The following IFT43 variants were observed in gnomAD, a reference collection of about 807,000 sequenced individuals.
The protein encoded by IFT43 is intraflagellar transport 43, also known as intraflagellar transport protein 43 homolog.
IFT43 carries 33 observed loss-of-function variants against 32.3 expected under a neutral mutation model. The observed-to-expected ratio is 1.02, with a 90% CI of 0.77 to 1.37. The LOEUF (loss-of-function observed/expected upper bound fraction) is 1.37, where lower values mean the gene tolerates loss of function less well. Among genes scored for constraint, IFT43 ranks in the 40% most tolerant of loss-of-function variants. The pLI is 0.00. For missense variants in IFT43, 274 were observed against 265.9 expected (o/e 1.03, Z -0.21); for synonymous variants, 93 against 98.2 (o/e 0.95, Z 0.31).
At chr14:75,995,375 C>A (rs1316239590) in intron 2 of IFT43, among the ~76,000 whole-genome samples, 1 of 152,162 alleles carries the variant, frequency 6.6e-6, no homozygotes, top group Non-Finnish European at 1.5e-5. Context: ...CACTTGATCA[C>A]CCTTATTCGT....
At chr14:76,008,414 T>C (rs934735514) in intron 2 of IFT43, among the ~76,000 whole-genome samples, 3 of 152,320 alleles carry the variant, frequency 2.0e-5, no homozygotes, top group Admixed American at 2.0e-4. Flanking sequence ...GTTATCACTA[T>C]TTATGAGGAG....
rs780739759 is a variant in IFT43, at chr14:76,083,224, C to T, written c.445-3C>T. On this transcript the variant is annotated splice_region_variant and splice_polypyrimidine_tract_variant and intron_variant, in intron 7 of 8. Coordinates refer to ENST00000314067, the MANE Select transcript of IFT43 (RefSeq NM_001102564.3). ...CCTGACCTTTTTTTGTTTGCATTCA[C>T]AGGATGGGGAGATCGACCTGAAACT... 1.9e-6 allele frequency: 3 copies of T among 1,614,120 alleles called. No homozygotes were observed. Among genetic ancestry groups the T allele is most frequent in the South Asian group, 1.1e-5 (1 of 91,084 alleles).
At position 76,015,911 on chromosome 14, in the gene IFT43, A is replaced by G. The variant is rs916967054; in HGVS notation, c.148-6416A>G. Among the ~76,000 whole-genome samples the G allele has an allele frequency of 2.6e-5, 4 of 152,328 alleles. 1 individual carries two copies. Among genetic ancestry groups the G allele is most frequent in the African/African-American group, 7.2e-5 (3 of 41,578 alleles). ...TATCTCAGTGTGGTTTTGGATTTGC[A>G]TCTCTCTGATGCTCAGTGATGTAGA... On this transcript the variant is annotated intron_variant, in intron 2 of 8. Transcript: ENST00000314067.
At chr14:76,020,780 C>T (rs1373335434) in intron 2 of IFT43, among the ~76,000 whole-genome samples, 8 of 151,992 alleles carry the variant, frequency 5.3e-5, no homozygotes, top group South Asian at 2.1e-4. Flanking sequence ...AGTCCCTGGG[C>T]CCCCCAGGTG....
chr14:75,986,956 A>G (rs570050137), intron 1 of IFT43, among the ~76,000 whole-genome samples: 1 of 152,316 alleles, frequency 6.6e-6, no homozygotes, highest in South Asian at 2.1e-4. Context: ...GAGATACAGC[A>G]ATGAATAAAG....
intron 2 of IFT43, among the ~76,000 whole-genome samples, chr14:75,989,404 T>C (rs1348577153): frequency 6.6e-6 from 1 of 151,998 alleles, no homozygotes; most frequent in Non-Finnish European, 1.5e-5. Context: ...TTTACTGGCC[T>C]TACTTTCCTG....
At chr14:76,001,902 A>C (rs1455472738) in intron 2 of IFT43, among the ~76,000 whole-genome samples, 1 of 152,212 alleles carries the variant, frequency 6.6e-6, no homozygotes, top group Non-Finnish European at 1.5e-5. Context: ...TGATAATGGC[A>C]TTAATCCATT....
intron 3 of IFT43, among the ~76,000 whole-genome samples, chr14:76,049,841 G>A (rs894337736): frequency 6.8e-6 from 1 of 147,506 alleles, no homozygotes; most frequent in African/African-American, 2.5e-5. Context: ...AAGGGGGAAA[G>A]CAAAGAACCC....
intron 5 of IFT43, among the ~76,000 whole-genome samples, chr14:76,075,073 C>G (rs182064222): frequency 3.3e-5 from 5 of 152,366 alleles, no homozygotes; most frequent in Admixed American, 1.3e-4. Flanking sequence ...GGCCTCCTCT[C>G]TCTGTCTCCC....
At chr14:76,034,774 A>G (rs2036569502) in intron 3 of IFT43, among the ~76,000 whole-genome samples, 1 of 152,220 alleles carries the variant, frequency 6.6e-6, no homozygotes, top group South Asian at 2.1e-4. Flanking sequence ...AGAAAGGGCC[A>G]AGTTCAGGAA....
intron 5 of IFT43, among the ~76,000 whole-genome samples, chr14:76,065,442 A>G (rs1024441931): frequency 2.0e-5 from 3 of 152,226 alleles, no homozygotes; most frequent in African/African-American, 7.2e-5. Flanking sequence ...AACCCCTGCC[A>G]CAAGACAGAA....
intron 3 of IFT43, among the ~76,000 whole-genome samples, chr14:76,048,819 C>G (rs2036857273): frequency 6.6e-6 from 1 of 152,170 alleles, no homozygotes; most frequent in Non-Finnish European, 1.5e-5. Flanking sequence ...CAGGGATTCA[C>G]CAGGGTGGGC....
chr14:76,050,565 T>A (rs1230784431), intron 3 of IFT43, among the ~76,000 whole-genome samples: 1 of 152,192 alleles, frequency 6.6e-6, no homozygotes, highest in East Asian at 1.9e-4. Flanking sequence ...GAAGTGATTC[T>A]CCCACCTTAG....
intron 2 of IFT43, among the ~76,000 whole-genome samples, chr14:76,012,340 G>A (rs2036101253): frequency 6.6e-6 from 1 of 152,194 alleles, no homozygotes; most frequent in Admixed American, 6.5e-5. Flanking sequence ...TCAGAAACAA[G>A]TCTGGCCCTA....
At chr14:76,058,338 TGAAAGAAA>T (rs1315092948) in intron 3 of IFT43, 4 of 363,858 alleles carry the variant, frequency 1.1e-5, no homozygotes, top group African/African-American at 8.4e-5. Flanking sequence ...AGTTAATTGC[TGAAAGAAA>T]AGAGGGCACT....
chr14:75,991,739 T>C (rs1049993294), intron 2 of IFT43, among the ~76,000 whole-genome samples: 1 of 152,128 alleles, frequency 6.6e-6, no homozygotes, highest in African/African-American at 2.4e-5. Context: ...ACTCTGTGCA[T>C]TACCATTTTT....
chr14:76,039,420 A>G (rs1342044572), intron 3 of IFT43, among the ~76,000 whole-genome samples: 2 of 152,148 alleles, frequency 1.3e-5, no homozygotes, highest in African/African-American at 2.4e-5. Flanking sequence ...TGGTCTCCCA[A>G]AAGTGCTGGG....
At chr14:76,020,420 G>A (rs1322865926) in intron 2 of IFT43, among the ~76,000 whole-genome samples, 1 of 151,746 alleles carries the variant, frequency 6.6e-6, no homozygotes, top group Admixed American at 6.6e-5. Flanking sequence ...AAGGTGTCAT[G>A]TTTCCTTGCT....
At chr14:76,082,429 T>C (rs2037528407) in intron 6 of IFT43, 62 bp downstream of exon 6, 2 of 1,192,390 alleles carry the variant, frequency 1.7e-6, no homozygotes, top group South Asian at 1.2e-5. Context: ...ACTCCAGATA[T>C]CATCTATAGT....
Sources: gnomAD v4.1 joint callset for allele counts (sites outside exome capture counted in the v4.1 genomes callset) on GRCh38, gnomAD v4.1.1 for gene constraint, MANE v1.5 for transcripts, NCBI Gene and HGNC (gene_info 2026-07-23, HGNC 2026-07-21) for gene names.